Variants in SDK1 observed in about 807,000 individuals in gnomAD.
SDK1 encodes sidekick cell adhesion molecule 1, also known as protein sidekick-1.
In SDK1, 157 loss-of-function variants were observed where a neutral mutation model predicts 245.5. The ratio of observed to expected loss-of-function variants is 0.64; its 90% CI spans 0.56 to 0.73. The LOEUF (loss-of-function observed/expected upper bound fraction) is 0.73. Ranked by LOEUF, SDK1 falls within the 30% of genes least tolerant of loss-of-function variation. SDK1 has a pLI of 0.00. For missense variants in SDK1, 3,583 were observed against 3,002.3 expected (o/e 1.19, Z -4.52); for synonymous variants, 1,647 against 1,278.5 (o/e 1.29, Z -6.15).
intron 14 of SDK1, among the ~76,000 whole-genome samples, chr7:3,988,465 C>T (rs10252433): frequency 0.017 from 2,605 of 152,198 alleles, 74 homozygotes; most frequent in African/African-American, 0.06. Context: ...CAGACCAGGC[C>T]ACTCCCCTGT....
intron 9 of SDK1, among the ~76,000 whole-genome samples, chr7:3,964,368 G>T (rs1210726957): frequency 6.6e-6 from 1 of 152,170 alleles, no homozygotes; most frequent in African/African-American, 2.4e-5. Flanking sequence ...CTTTCTTGAG[G>T]AGAAGTAGAA....
chr7:3,414,406 G>A (rs974868954), intron 1 of SDK1, among the ~76,000 whole-genome samples: 2 of 152,136 alleles, frequency 1.3e-5, no homozygotes, highest in Non-Finnish European at 2.9e-5. Context: ...GGAGTCTAAA[G>A]TGGGGAGCAG....
At chr7:3,771,264 C>G (rs374437697) in intron 4 of SDK1, among the ~76,000 whole-genome samples, 1 of 151,976 alleles carries the variant, frequency 6.6e-6, no homozygotes, top group Admixed American at 6.6e-5. Context: ...GTGCACAAGC[C>G]CTCTTGGAAT....
At chr7:3,507,308 C>G (rs181933711) in intron 1 of SDK1, among the ~76,000 whole-genome samples, 1 of 152,160 alleles carries the variant, frequency 6.6e-6, no homozygotes, top group Non-Finnish European at 1.5e-5. Context: ...GACCTGTATG[C>G]GGATTTCTGG....
intron 1 of SDK1, among the ~76,000 whole-genome samples, chr7:3,346,828 T>TATATATATA (rs1491226721): frequency 2.5e-5 from 1 of 39,300 alleles, no homozygotes; most frequent in African/African-American, 8.7e-5. Context: ...TATATATATA[T>TATATATATA]TTTTTTTTTT....
At chr7:3,959,339 A>AC (rs1562574334) in intron 8 of SDK1, among the ~76,000 whole-genome samples, 2 of 151,872 alleles carry the variant, frequency 1.3e-5, no homozygotes, top group South Asian at 2.1e-4. Context: ...CAAGTGTGTG[A>AC]CCCCCCGAGA....
In SDK1 at chr7:3,499,946, G is replaced by A. The variant is rs143584272; in HGVS notation, c.299-119134G>A. ...TTATAGGGTGAAAGGAATGTCCTCAGCTGATAGTGACATCAAGGCAGGGCT... is the reference window on the plus strand; with the variant it reads ...TTATAGGGTGAAAGGAATGTCCTCAACTGATAGTGACATCAAGGCAGGGCT... On this transcript the variant is annotated intron_variant, in intron 1 of 44. Transcript: ENST00000404826. Among the ~76,000 whole-genome samples the A allele has an allele frequency of 1.6e-3, 244 of 152,288 alleles. 1 individual carries two copies. Among genetic ancestry groups the A allele is most frequent in the African/African-American group, 5.7e-3 (236 of 41,562 alleles).
At chr7:3,354,271 T>G (rs1314352749) in intron 1 of SDK1, among the ~76,000 whole-genome samples, 1 of 152,014 alleles carries the variant, frequency 6.6e-6, no homozygotes, top group African/African-American at 2.4e-5. Context: ...GTGCTGGGAT[T>G]ACAGCGCCTG....
Position 3,422,563 on chromosome 7 carries a change from G to T in SDK1, c.298+120679G>T, listed in dbSNP as rs978339957. ...ACCCTAGTAACTTGGGAGGCTGAGG[G>T]AGGAGGATTGCTTGAGCTCAGAAGT... On this transcript the variant is annotated intron_variant, in intron 1 of 44. Transcript: ENST00000404826. Among the ~76,000 whole-genome samples, 5 of 152,266 alleles carry T rather than the reference G, an allele frequency of 3.3e-5. No homozygotes were observed. The East Asian group carries it at 9.6e-4, about 29-fold the overall frequency.
chr7:3,304,139 G>A (rs549843452), intron 1 of SDK1, among the ~76,000 whole-genome samples: 21 of 152,204 alleles, frequency 1.4e-4, no homozygotes, highest in Non-Finnish European at 3.1e-4. Context: ...GATGGGAACC[G>A]CCAGGTTCAG....
At chr7:3,897,661 T>G (rs1781648181) in intron 5 of SDK1, among the ~76,000 whole-genome samples, 1 of 152,214 alleles carries the variant, frequency 6.6e-6, no homozygotes, top group African/African-American at 2.4e-5. Flanking sequence ...TTTGCCACGT[T>G]CTTCTTAATG....
intron 1 of SDK1, among the ~76,000 whole-genome samples, chr7:3,570,268 G>A (rs1780066218): frequency 6.6e-6 from 1 of 152,184 alleles, no homozygotes; most frequent in African/African-American, 2.4e-5. Flanking sequence ...CAGATCATCA[G>A]GCATTAGTTA....
chr7:4,106,613 G>C (rs866472124), intron 22 of SDK1, among the ~76,000 whole-genome samples: 1 of 152,140 alleles, frequency 6.6e-6, no homozygotes, highest in Non-Finnish European at 1.5e-5. Context: ...GTTTGTGACC[G>C]TGCAGTGGTT....
intron 4 of SDK1, among the ~76,000 whole-genome samples, chr7:3,759,209 T>A (rs1242050742): frequency 6.6e-6 from 1 of 152,186 alleles, no homozygotes; most frequent in African/African-American, 2.4e-5. Context: ...GGATCATAAT[T>A]CTGAAAGAAA....
intron 1 of SDK1, among the ~76,000 whole-genome samples, chr7:3,611,136 G>A (rs931421642): frequency 6.6e-6 from 1 of 152,100 alleles, no homozygotes; most frequent in African/African-American, 2.4e-5. Flanking sequence ...AGTTGGGTGG[G>A]TAATTTATTT....
chr7:4,206,013 G>GTTGCCTCCCCTGGCTCGC lies in SDK1; in HGVS notation c.5214+23_5214+40dup. 1 of 1,483,002 alleles carries GTTGCCTCCCCTGGCTCGC rather than the reference G, an allele frequency of 6.7e-7. No individual in the cohort carries two copies. Among genetic ancestry groups the GTTGCCTCCCCTGGCTCGC allele is most frequent in the Non-Finnish European group, 9.1e-7 (1 of 1,100,270 alleles). The allele number at this position is 1,483,002 out of a possible 1,614,324, so 91.9% of individuals were successfully genotyped here. A position where few individuals can be genotyped will look rare whatever the true frequency, so the allele number is the denominator to read the frequency against. On this transcript the variant is annotated intron_variant, in intron 36 of 44. Transcript: ENST00000404826. Reference sequence around the variant, plus strand: ...CTACAAGGCAAGGCCCTCCCGTGCGGTTGCCTCCCCTGGCTCGCTTGGGCA... The same window carrying GTTGCCTCCCCTGGCTCGC: ...CTACAAGGCAAGGCCCTCCCGTGCGGTTGCCTCCCCTGGCTCGCTTGCCTCCCCTGGCTCGCTTGGGCA...
At chr7:3,550,285 C>T (rs1392680351) in intron 1 of SDK1, among the ~76,000 whole-genome samples, 1 of 152,236 alleles carries the variant, frequency 6.6e-6, no homozygotes, top group East Asian at 1.9e-4. Flanking sequence ...ATTTCAGTGC[C>T]TGAAATCATT....
intron 1 of SDK1, among the ~76,000 whole-genome samples, chr7:3,318,316 C>G (rs1025078369): frequency 6.6e-6 from 1 of 152,122 alleles, no homozygotes; most frequent in African/African-American, 2.4e-5. Flanking sequence ...AAATCCTGAC[C>G]CTGCCATTTA....
Position 3,359,851 on chromosome 7 carries a change from C to G in SDK1, c.298+57967C>G, listed in dbSNP as rs376761435. ...TAATAAAACCCTGGAGACAGGAATT[C>G]TTACTGTACCTGTGACCCATGAAGT... On this transcript the variant is annotated intron_variant, in intron 1 of 44. Coordinates refer to ENST00000404826, the MANE Select transcript of SDK1 (RefSeq NM_152744.4). 4.1e-4 allele frequency among the ~76,000 whole-genome samples: 62 copies of G among 152,286 alleles called. No individual in the cohort carries two copies. The South Asian group carries it at 0.012, about 29-fold the overall frequency.
Sources: gnomAD v4.1 joint callset for allele counts (sites outside exome capture counted in the v4.1 genomes callset) on GRCh38, gnomAD v4.1.1 for gene constraint, MANE v1.5 for transcripts, NCBI Gene and HGNC (gene_info 2026-07-23, HGNC 2026-07-21) for gene names.